CTSD: variants seen among roughly 807,000 people sequenced by gnomAD.
CTSD encodes ceroid-lipofuscinosis, neuronal 10.
CTSD carries 28 observed loss-of-function variants against 43.6 expected under a neutral mutation model. The ratio of observed to expected loss-of-function variants is 0.64; its 90% CI spans 0.48 to 0.88. The LOEUF is 0.88. CTSD is among the 40% of genes least tolerant of loss of function. CTSD has a pLI of 0.00. For synonymous variants in CTSD, 270 were observed against 249.8 expected, an observed-to-expected ratio of 1.08 and a Z score of -0.76; for missense variants, 485 against 555.2, an observed-to-expected ratio of 0.87 and a Z score of 1.27.
chr11:1,762,562 G>A (rs78420101), intron 1 of CTSD: 15,347 of 152,300 alleles, frequency 0.1, 962 homozygotes, highest in Middle Eastern at 0.2. Context: ...AAGAGCTGGT[G>A]GGCTGGAAGA....
At position 1,761,455 on chromosome 11, in the gene CTSD, T is replaced by C. The variant is rs770960373; in HGVS notation, c.82A>G (p.Lys28Glu). 3.1e-6 allele frequency: 5 copies of C among 1,613,716 alleles called. No homozygotes were observed. In the African/African-American group the frequency reaches 5.3e-5, roughly 17 times the overall value. Residue 28 changes from lysine (K) to glutamate (E), a missense_variant, in exon 2 of 9, where the codon AAG (lysine) becomes GAG (glutamate). Coordinates refer to ENST00000236671, the MANE Select transcript of CTSD (RefSeq NM_001909.5). ...ATGGTCCGGCGGATGGACGTGAACT[T>C]GTGCAGCGGGATCCTGTCAACCACG... ...ASALVRIPLH[K>E]FTSIRRTMSE...
chr11:1,759,559 C>T lies in CTSD; in HGVS notation c.309G>A (p.Leu103=). ...TVVFDTGSSN[L]WVPSIHCKLL... ...GTTTGCAGTGGATGGAGGGGACCCA[C>T]AGGTTGGAGGAGCCCGTGTCGAAGA... Residue 103 remains leucine, a synonymous_variant, in exon 3 of 9, where the codon CTG becomes CTA. Transcript: ENST00000236671. The T allele has an allele frequency of 3.1e-6, 5 of 1,613,592 alleles. No individual in the cohort carries two copies. The highest frequency in any genetic ancestry group is 4.2e-6 in the Non-Finnish European group (5 of 1,180,002).
At chr11:1,763,690 G>T in intron 1 of CTSD, 102 bp downstream of exon 1, 2 of 1,133,920 alleles carry the variant, frequency 1.8e-6, no homozygotes, top group Non-Finnish European at 2.4e-6. Flanking sequence ...GGGCGCAAGG[G>T]GCTCGTGGGG....
chr11:1,757,599 C>T (rs1382545750), intron 4 of CTSD, 43 bp from the exon 5 acceptor site: 2 of 1,470,032 alleles, frequency 1.4e-6, no homozygotes, highest in African/African-American at 1.4e-5. Context: ...ACAGGCTGAG[C>T]CCTACACCAC....
chr11:1,754,508 A>AGGGATGGAGGGATGTGGGGATGTG, intron 6 of CTSD, among the ~76,000 whole-genome samples: 1 of 24,464 alleles, frequency 4.1e-5, no homozygotes, highest in East Asian at 1.7e-3. Context: ...GTGGGGATGG[A>AGGGATGGAGGGATGTGGGGATGTG]GGGATGGAGG....
rs755461253 is a variant in CTSD at position 1,761,431 on chromosome 11, T to C, written c.106A>G (p.Met36Val). ...LHKFTSIRRTMSEVGGSVEDL... is the reference protein window; with the variant it reads ...LHKFTSIRRTVSEVGGSVEDL... ...TCCACAGAGCCCCCAACCTCCGACA[T>C]GGTCCGGCGGATGGACGTGAACTTG... Residue 36 changes from methionine (M) to valine (V), a missense_variant, in exon 2 of 9, where the codon ATG becomes GTG. Transcript: ENST00000236671. 4 of 1,613,738 alleles carry C rather than the reference T, an allele frequency of 2.5e-6. No homozygotes were observed. The South Asian group carries it at 3.3e-5, about 13-fold the overall frequency.
At chr11:1,762,684 C>G (rs188912694) in intron 1 of CTSD, among the ~76,000 whole-genome samples, 7 of 152,288 alleles carry the variant, frequency 4.6e-5, no homozygotes, top group Admixed American at 2.6e-4. Flanking sequence ...ATTCAGCTAC[C>G]CTTCCCTCCA....
intron 5 of CTSD, among the ~76,000 whole-genome samples, chr11:1,755,656 G>A (rs1019376102): frequency 3.3e-5 from 5 of 152,220 alleles, no homozygotes; most frequent in Non-Finnish European, 5.9e-5. Context: ...AGCTTTCAAC[G>A]CAGCAAATCC....
intron 6 of CTSD, among the ~76,000 whole-genome samples, chr11:1,754,671 G>A (rs1019041874): frequency 4.0e-5 from 6 of 149,642 alleles, no homozygotes; most frequent in African/African-American, 1.5e-4. Context: ...GAGTCACAGA[G>A]GCATGGAGGA....
At chr11:1,754,170 G>A (rs375565948) in intron 6 of CTSD, 32 bp from the exon 7 acceptor site, 58 of 1,599,354 alleles carry the variant, frequency 3.6e-5, no homozygotes, top group East Asian at 6.8e-5. Context: ...AGCCCCTGCC[G>A]GGACTGGAGT....
In CTSD at chr11:1,761,637, G is replaced by A. The variant is rs1845879426; in HGVS notation, c.69-169C>T. On this transcript the variant is annotated intron_variant, in intron 1 of 8. Coordinates refer to ENST00000236671, the MANE Select transcript of CTSD (RefSeq NM_001909.5). ...CTGCTGGCCCAGCTCCCCCAAGTCAGTGAATGGCAACCCATTGCCCCCCGC... is the reference window on the plus strand; with the variant it reads ...CTGCTGGCCCAGCTCCCCCAAGTCAATGAATGGCAACCCATTGCCCCCCGC... 5 of 749,308 alleles carry A rather than the reference G, an allele frequency of 6.7e-6. No individual in the cohort carries two copies. The Admixed American group carries it at 1.0e-4, about 15-fold the overall frequency. 46.4% of individuals were successfully genotyped at this position (749,308 alleles called of 1,614,324 possible). A position where few individuals can be genotyped will look rare whatever the true frequency, so the allele number is the denominator to read the frequency against.
At position 1,758,950 on chromosome 11, in the gene CTSD, A is replaced by G; in HGVS notation, c.471+19T>C. ...CCCTGGCACCCTCGAGTCCTGGGAAAGGCCCCAGAGGGACTCACCGACACA... is the reference window on the plus strand; with the variant it reads ...CCCTGGCACCCTCGAGTCCTGGGAAGGGCCCCAGAGGGACTCACCGACACA... On this transcript the variant is annotated intron_variant, in intron 4 of 8. Transcript: ENST00000236671. 1 of 1,539,876 alleles carries G rather than the reference A, an allele frequency of 6.5e-7. No individual in the cohort carries two copies. The highest frequency in any genetic ancestry group is 9.0e-7 in the Non-Finnish European group (1 of 1,112,586).
intron 6 of CTSD, 71 bp downstream of exon 6, chr11:1,754,835 G>A: frequency 1.2e-6 from 2 of 1,606,024 alleles, no homozygotes; most frequent in Admixed American, 1.7e-5. Context: ...GCAGAACCGG[G>A]GTCCTCCAGG....
intron 2 of CTSD, 110 bp downstream of exon 2, chr11:1,761,199 G>A: frequency 7.9e-7 from 1 of 1,265,824 alleles, no homozygotes. Flanking sequence ...GGCCAGGTGA[G>A]CCACTCAAAC....
chr11:1,760,942 G>T (rs1035453994), intron 2 of CTSD: 3 of 342,016 alleles, frequency 8.8e-6, no homozygotes, highest in Non-Finnish European at 1.1e-5. Context: ...GATGGGGAGG[G>T]GCTGGGGAGG....
chr11:1,759,056 G>A lies in CTSD; in HGVS notation c.384C>T (p.Ser128=), dbSNP rs1376043576. The A allele has an allele frequency of 3.1e-6, 5 of 1,614,108 alleles. No homozygotes were observed. The highest frequency in any genetic ancestry group is 4.2e-6 in the Non-Finnish European group (5 of 1,179,948). The change falls in exon 4 of 9, where the codon TCC becomes TCT. Residue 128 remains serine (S), a synonymous_variant. Transcript: ENST00000236671. Reference sequence around the variant, plus strand: ...AGGTACCATTCTTCACGTAGGTGCTGGACTTGTCGCTGTTGTACTTGTGGT... The same window carrying A: ...AGGTACCATTCTTCACGTAGGTGCTAGACTTGTCGCTGTTGTACTTGTGGT... ...WIHHKYNSDK[S]STYVKNGTSF...
Position 1,753,866 on chromosome 11 carries a change from G to A in CTSD, c.1008C>T (p.Pro336=), listed in dbSNP as rs769758232. 23 of 1,613,470 alleles carry A rather than the reference G, an allele frequency of 1.4e-5. No individual in the cohort carries two copies. Among genetic ancestry groups the A allele is most frequent in the South Asian group, 5.5e-5 (5 of 91,048 alleles). The change falls in exon 8 of 9, where the codon CCC becomes CCT. Residue 336 remains proline (P), a synonymous_variant. Coordinates refer to ENST00000236671, the MANE Select transcript of CTSD (RefSeq NM_001909.5). ...MIPCEKVSTL[P]AITLKLGGKG... ...TGCCTCCCAGCTTCAGTGTGATCGC[G>A]GGCAGGGTGGACACCTTCTCACAGG...
chr11:1,756,555 G>A (rs563063019), intron 5 of CTSD, among the ~76,000 whole-genome samples: 4 of 152,320 alleles, frequency 2.6e-5, no homozygotes, highest in East Asian at 1.9e-4. Flanking sequence ...GTGACCAGGC[G>A]CAGCTCAGGG....
rs566918685 is a variant in CTSD at position 1,753,385 on chromosome 11, C to A, written c.*118G>T. The A allele has an allele frequency of 3.1e-6, 4 of 1,286,346 alleles. No homozygotes were observed. Among genetic ancestry groups the A allele is most frequent in the African/African-American group, 1.5e-5 (1 of 68,494 alleles). 79.7% of individuals were successfully genotyped at this position (1,286,346 alleles called of 1,614,324 possible). ...GGGCTTGGGCCGCCGGCTTCCAGGGCGCCCAGGACAGTGGGCGGGCGAGTG... is the reference window on the plus strand; with the variant it reads ...GGGCTTGGGCCGCCGGCTTCCAGGGAGCCCAGGACAGTGGGCGGGCGAGTG... On this transcript the variant is annotated 3_prime_UTR_variant, in exon 9 of 9. Transcript: ENST00000236671.
Sources: allele counts gnomAD v4.1 joint callset (sites outside exome capture counted in the v4.1 genomes callset), GRCh38; gene constraint gnomAD v4.1.1; transcripts MANE v1.5; gene names NCBI Gene and HGNC (gene_info 2026-07-23, HGNC 2026-07-21).